HTR2C: variants seen among roughly 807,000 people sequenced by gnomAD.
The protein encoded by HTR2C is 5-hydroxytryptamine (serotonin) receptor 2C, G protein-coupled.
HTR2C carries 5 observed loss-of-function variants against 21.0 expected under a neutral mutation model. The observed-to-expected ratio is 0.24, with a 90% CI of 0.12 to 0.50. HTR2C has a LOEUF of 0.50. Among genes scored for constraint, HTR2C ranks in the 20% least tolerant of loss-of-function variants. HTR2C has a pLI of 0.98. For synonymous variants in HTR2C, 150 were observed against 145.3 expected (o/e 1.03, Z -0.23); for missense variants, 271 against 371.2 (o/e 0.73, Z 2.22).
chrX:114,880,809 T>A (rs1357411959), intron 5 of HTR2C, among the ~76,000 whole-genome samples: 1 of 111,605 alleles, frequency 9.0e-6, no homozygotes, highest in African/African-American at 3.2e-5. Context: ...TATATCAGAA[T>A]TTTTTTTCAT....
chrX:114,877,954 A>G (rs1231236772), intron 5 of HTR2C, among the ~76,000 whole-genome samples: 1 of 110,742 alleles, frequency 9.0e-6, no homozygotes, highest in Non-Finnish European at 1.9e-5. Flanking sequence ...AAAGTTCTGT[A>G]TCTCTCTGTT....
At chrX:114,816,230 G>T (rs782636290) in intron 4 of HTR2C, among the ~76,000 whole-genome samples, 14 of 99,370 alleles carry the variant, frequency 1.4e-4, no homozygotes, top group African/African-American at 5.9e-4. Context: ...TAACTTTGAA[G>T]ATGAGAGATG....
At position 114,906,703 on chromosome X, in the gene HTR2C, C is replaced by A. The variant is rs1556486899; in HGVS notation, c.665C>A (p.Ala222Asp). The A allele has an allele frequency of 8.3e-7, 1 of 1,210,939 alleles. No homozygotes were observed. The highest frequency in any genetic ancestry group is 1.8e-5 in the South Asian group (1 of 56,925). ...TTCGTTCTTATTGGGTCCTTCGTAG[C>A]TTTCTTCATACCGCTGACGATTATG... ...PNFVLIGSFV[A>D]FFIPLTIMVI... The change falls in exon 6 of 6, where the codon GCT (alanine) becomes GAT (aspartate). Residue 222 changes from alanine (A) to aspartate (D), a missense_variant. By Grantham distance (126) the Ala-to-Asp change is moderately radical. This residue lies in a region of HTR2C where 192 missense variants were observed against 247.2 expected (regional missense o/e 0.78). Coordinates refer to ENST00000276198, the MANE Select transcript of HTR2C (RefSeq NM_000868.4).
intron 2 of HTR2C, among the ~76,000 whole-genome samples, chrX:114,646,161 TATC>T (rs1280967605): frequency 8.9e-6 from 1 of 112,160 alleles, no homozygotes; most frequent in Non-Finnish European, 1.9e-5. Flanking sequence ...TATTGACAAA[TATC>T]ATTTGAAATT....
chrX:114,586,823 A>G (rs915010932), intron 1 of HTR2C, among the ~76,000 whole-genome samples: 2 of 110,975 alleles, frequency 1.8e-5, no homozygotes, highest in African/African-American at 6.6e-5. Context: ...TATTTCATAT[A>G]GTCTTCATAG....
At position 114,584,477 on chromosome X, in the gene HTR2C, C is replaced by T. The variant is rs2147783483; in HGVS notation, c.-329C>T. On this transcript the variant is annotated 5_prime_UTR_variant, in exon 1 of 6. Coordinates refer to ENST00000276198, the MANE Select transcript of HTR2C (RefSeq NM_000868.4). ...AAAGGAGGTCGACTCGCCGGCGCTT[C>T]CTATCGCGCCGAGCTCCCTCCATTC... 8.8e-6 allele frequency: 1 copy of T among 113,269 alleles called. No homozygotes were observed. The highest frequency in any genetic ancestry group is 9.2e-5 in the Admixed American group (1 of 10,856). 9.3% of individuals were successfully genotyped at this position (113,269 alleles called of 1,213,427 possible). A position where few individuals can be genotyped will look rare whatever the true frequency, so the allele number is the denominator to read the frequency against.
chrX:114,588,035 T>A (rs1011613652), intron 1 of HTR2C, among the ~76,000 whole-genome samples: 24 of 112,542 alleles, frequency 2.1e-4, no homozygotes, highest in African/African-American at 7.1e-4. Flanking sequence ...CTACCTGGCA[T>A]CTCTACTTCA....
intron 4 of HTR2C, among the ~76,000 whole-genome samples, chrX:114,749,185 A>G (rs1246711377): frequency 9.1e-6 from 1 of 109,865 alleles, no homozygotes; most frequent in Non-Finnish European, 1.9e-5. Context: ...GTGGTGCCTC[A>G]CACCTGCAAT....
chrX:114,765,626 T>C (rs181332135), intron 4 of HTR2C, among the ~76,000 whole-genome samples: 2 of 111,302 alleles, frequency 1.8e-5, no homozygotes, highest in South Asian at 3.8e-4. Flanking sequence ...ACAACAAATA[T>C]TGATTCTTGC....
chrX:114,608,502 A>T (rs1264270774), intron 1 of HTR2C, among the ~76,000 whole-genome samples: 1 of 111,407 alleles, frequency 9.0e-6, no homozygotes, highest in Non-Finnish European at 1.9e-5. Flanking sequence ...CTTTTAAGGG[A>T]TGTACTTGCT....
intron 4 of HTR2C, among the ~76,000 whole-genome samples, chrX:114,762,446 C>A (rs1457547174): frequency 2.7e-5 from 3 of 111,124 alleles, no homozygotes; most frequent in African/African-American, 9.8e-5. Flanking sequence ...TCCCTGATTT[C>A]TTCGAATTGG....
chrX:114,813,496 G>A (rs1187604453), intron 4 of HTR2C, among the ~76,000 whole-genome samples: 4 of 112,162 alleles, frequency 3.6e-5, no homozygotes, highest in Admixed American at 2.9e-4. Flanking sequence ...TAACCCAGGC[G>A]AAGATTTTAA....
At chrX:114,605,027 G>C (rs1224932110) in intron 1 of HTR2C, among the ~76,000 whole-genome samples, 1 of 111,579 alleles carries the variant, frequency 9.0e-6, no homozygotes, top group Non-Finnish European at 1.9e-5. Context: ...GAATAAGATG[G>C]CCTTTTGACC....
chrX:114,828,654 G>A (rs182155741), intron 4 of HTR2C, among the ~76,000 whole-genome samples: 302 of 111,501 alleles, frequency 2.7e-3, no homozygotes, highest in Non-Finnish European at 4.9e-3. Flanking sequence ...ATGTCCAACC[G>A]TCATCTCTAT....
At chrX:114,901,267 A>T (rs1004818385) in intron 5 of HTR2C, among the ~76,000 whole-genome samples, 15 of 112,514 alleles carry the variant, frequency 1.3e-4, no homozygotes, top group Non-Finnish European at 7.5e-5. Flanking sequence ...TAATGTAAAC[A>T]TATTTATACA....
At chrX:114,766,393 A>C (rs1024430725) in intron 4 of HTR2C, among the ~76,000 whole-genome samples, 5 of 111,419 alleles carry the variant, frequency 4.5e-5, no homozygotes, top group African/African-American at 1.6e-4. Context: ...ATAGATGAAA[A>C]ACCTAGTCAT....
chrX:114,588,714 C>T (rs1226322524), intron 1 of HTR2C, among the ~76,000 whole-genome samples: 1 of 112,151 alleles, frequency 8.9e-6, no homozygotes, highest in African/African-American at 3.2e-5. Flanking sequence ...TTTAAACTTA[C>T]GTATCTCCCA....
chrX:114,716,971 A>T (rs782684486), intron 2 of HTR2C, among the ~76,000 whole-genome samples: 16 of 111,924 alleles, frequency 1.4e-4, no homozygotes, highest in African/African-American at 5.2e-4. Flanking sequence ...ATTTCTGAAC[A>T]CTGAAAATTG....
chrX:114,605,241 T>C (rs368181064), intron 1 of HTR2C, among the ~76,000 whole-genome samples: 7 of 110,678 alleles, frequency 6.3e-5, no homozygotes, highest in South Asian at 7.5e-4. Flanking sequence ...GGGCTAGTCA[T>C]GGAACGAAAC....
Sources: allele counts gnomAD v4.1 joint callset (sites outside exome capture counted in the v4.1 genomes callset), GRCh38; gene constraint gnomAD v4.1.1; regional missense constraint gnomAD v4.1.1; transcripts MANE v1.5; gene names NCBI Gene and HGNC (gene_info 2026-07-23, HGNC 2026-07-21).